EXO1: variants seen among roughly 807,000 people sequenced by gnomAD.
EXO1 encodes exonuclease 1.
In EXO1, 69 loss-of-function variants were observed where a neutral mutation model predicts 84.5. The ratio of observed to expected loss-of-function variants is 0.82; its 90% CI spans 0.67 to 1.00. The LOEUF (loss-of-function observed/expected upper bound fraction) is 1.00. EXO1 is among the 50% of genes least tolerant of loss of function. The probability of loss-of-function intolerance (pLI) is 0.00; values close to 1 mark genes in which losing one functional copy is unlikely to be tolerated. For synonymous variants in EXO1, 373 were observed against 366.1 expected (o/e 1.02, Z -0.21); for missense variants, 1,045 against 1,000.7 (o/e 1.04, Z -0.60).
chr1:241,884,867 A>G (rs995803880), intron 14 of EXO1, among the ~76,000 whole-genome samples: 5 of 152,230 alleles, frequency 3.3e-5, no homozygotes, highest in African/African-American at 4.8e-5. Flanking sequence ...ACTTTTATAA[A>G]TAGCACATTT....
intron 14 of EXO1, among the ~76,000 whole-genome samples, chr1:241,883,923 T>A (rs1776155): frequency 0.95 from 143,991 of 152,234 alleles, 68,265 homozygotes; most frequent in Non-Finnish European, 0.98. Flanking sequence ...TTATTATTAT[T>A]ATTCTCAGAC....
intron 6 of EXO1, among the ~76,000 whole-genome samples, chr1:241,854,142 G>A (rs1041735125): frequency 1.3e-5 from 2 of 151,862 alleles, no homozygotes; most frequent in Non-Finnish European, 2.9e-5. Flanking sequence ...TTTTTTGTTC[G>A]TTTGTTTGTT....
chr1:241,885,505 A>T lies in EXO1; in HGVS notation c.2403A>T (p.Lys801Asn). The change falls in exon 15 of 16, where the codon AAA becomes AAT. Residue 801 changes from lysine (K) to asparagine (N), a missense_variant and splice_region_variant. Physicochemically the swap from Lys to Asn is moderately conservative, Grantham distance 94 (BLOSUM62 0). Coordinates refer to ENST00000366548, the MANE Select transcript of EXO1 (RefSeq NM_130398.4). ...LNELWKNFGF[K>N]KDSEKLPPCK... Reference sequence around the variant, plus strand: ...AGCTCTGGAAAAACTTTGGATTTAAAAAGTGAGTTGCCTTGTTTCTTATTC... The same window carrying T: ...AGCTCTGGAAAAACTTTGGATTTAATAAGTGAGTTGCCTTGTTTCTTATTC... 6.2e-7 allele frequency: 1 copy of T among 1,608,770 alleles called. No homozygotes were observed.
chr1:241,867,935 C>T (rs1358801523), intron 11 of EXO1, among the ~76,000 whole-genome samples: 1 of 151,638 alleles, frequency 6.6e-6, no homozygotes, highest in East Asian at 1.9e-4. Context: ...TAGAATTTAG[C>T]TTTTTAATTT....
intron 15 of EXO1, among the ~76,000 whole-genome samples, chr1:241,888,041 T>A (rs1663164814): frequency 6.6e-6 from 1 of 152,198 alleles, no homozygotes; most frequent in South Asian, 2.1e-4. Context: ...AGAAGTGTTT[T>A]GTTTGTGCTT....
At chr1:241,874,124 G>A (rs1420034844) in intron 12 of EXO1, among the ~76,000 whole-genome samples, 1 of 152,224 alleles carries the variant, frequency 6.6e-6, no homozygotes, top group Non-Finnish European at 1.5e-5. Context: ...GGGTCGCCGG[G>A]CACGATGGCT....
chr1:241,868,496 A>C (rs1661884157), intron 11 of EXO1, among the ~76,000 whole-genome samples: 1 of 152,210 alleles, frequency 6.6e-6, no homozygotes, highest in Non-Finnish European at 1.5e-5. Flanking sequence ...CAAAAAATAA[A>C]TACAAAAGAA....
intron 6 of EXO1, among the ~76,000 whole-genome samples, chr1:241,853,960 A>G (rs879312624): frequency 6.6e-6 from 1 of 152,194 alleles, no homozygotes; most frequent in Non-Finnish European, 1.5e-5. Context: ...CTTGAATGAC[A>G]GATCTGTGAT....
chr1:241,860,556 A>G lies in EXO1; in HGVS notation c.796A>G (p.Thr266Ala). ...TGGACATTATCTCAAGATGAATATC[A>G]CGGTACCAGAGGATTACATCAACGG... ...KIGHYLKMNI[T>A]VPEDYINGFI... Residue 266 changes from threonine (T) to alanine (A), a missense_variant, in exon 9 of 16, where the codon ACG becomes GCG. Thr to Ala is a moderately conservative substitution (Grantham distance 58). Transcript: ENST00000366548. The G allele has an allele frequency of 6.2e-7, 1 of 1,614,008 alleles. No individual in the cohort carries two copies. The highest frequency in any genetic ancestry group is 1.1e-5 in the South Asian group (1 of 91,078).
At chr1:241,850,741 C>A (rs1363797666) in intron 4 of EXO1, among the ~76,000 whole-genome samples, 155 bp downstream of exon 4, 1 of 150,970 alleles carries the variant, frequency 6.6e-6, no homozygotes, top group African/African-American at 2.4e-5. Flanking sequence ...TCAGGGATGA[C>A]TTCCTTCTGT....
intron 8 of EXO1, among the ~76,000 whole-genome samples, chr1:241,858,921 A>G (rs1280669239): frequency 6.6e-6 from 1 of 152,202 alleles, no homozygotes; most frequent in African/African-American, 2.4e-5. Flanking sequence ...ATTGGCAAAA[A>G]AGTAGTGATT....
intron 12 of EXO1, among the ~76,000 whole-genome samples, chr1:241,877,500 C>G (rs1232385298): frequency 6.6e-6 from 1 of 152,124 alleles, no homozygotes; most frequent in Non-Finnish European, 1.5e-5. Context: ...CCTCCCCATA[C>G]AACTAATCTA....
chr1:241,885,609 TTC>T (rs769270468), intron 15 of EXO1, 102 bp downstream of exon 15: 4 of 867,282 alleles, frequency 4.6e-6, no homozygotes, highest in African/African-American at 3.3e-5. Flanking sequence ...GAGTTTTTGT[TTC>T]TCTCACTATA....
intron 12 of EXO1, among the ~76,000 whole-genome samples, chr1:241,876,253 A>G (rs1044133588): frequency 2.6e-5 from 4 of 152,124 alleles, no homozygotes; most frequent in Admixed American, 6.6e-5. Flanking sequence ...TCAGTCTTTG[A>G]TGTGTCATTT....
At chr1:241,887,295 C>G (rs1383065178) in intron 15 of EXO1, among the ~76,000 whole-genome samples, 1 of 152,094 alleles carries the variant, frequency 6.6e-6, no homozygotes. Context: ...TGCCACCAGC[C>G]CCAGTTAATT....
chr1:241,853,524 A>G lies in EXO1; in HGVS notation c.405+43A>G. On this transcript the variant is annotated intron_variant, in intron 6 of 15. Coordinates refer to ENST00000366548, the MANE Select transcript of EXO1 (RefSeq NM_130398.4). ...ATGGGCAAGTTCACCAAAGCTAGTT[A>G]CAACTTGTTTATTGATGGGAGAGGA... 5.6e-6 allele frequency: 9 copies of G among 1,611,436 alleles called. 2 individuals carry two copies. The Middle Eastern group carries it at 1.2e-3, about 207-fold the overall frequency.
At chr1:241,887,398 C>G (rs1663125969) in intron 15 of EXO1, among the ~76,000 whole-genome samples, 1 of 152,070 alleles carries the variant, frequency 6.6e-6, no homozygotes, top group South Asian at 2.1e-4. Context: ...ATGAGTTGGT[C>G]TTTTGGAAAA....
chr1:241,879,774 G>A (rs1558144583), intron 13 of EXO1, among the ~76,000 whole-genome samples: 1 of 152,296 alleles, frequency 6.6e-6, no homozygotes, highest in South Asian at 2.1e-4. Context: ...GGAGGCCGAG[G>A]CGAGCGGATC....
chr1:241,886,409 A>G (rs1574192667), intron 15 of EXO1, among the ~76,000 whole-genome samples: 1 of 152,230 alleles, frequency 6.6e-6, no homozygotes, highest in African/African-American at 2.4e-5. Context: ...GTTCTCAATA[A>G]AAGAAATGTG....
Sources: allele counts gnomAD v4.1 joint callset (sites outside exome capture counted in the v4.1 genomes callset), GRCh38; gene constraint gnomAD v4.1.1; transcripts MANE v1.5; gene names NCBI Gene and HGNC (gene_info 2026-07-23, HGNC 2026-07-21).